Variants in SLC1A6 observed in about 807,000 individuals in gnomAD.
SLC1A6 encodes the protein solute carrier family 1 member 6.
In SLC1A6, 15 loss-of-function variants were observed where a neutral mutation model predicts 42.1. The observed-to-expected ratio is 0.36, with a 90% CI of 0.24 to 0.55. SLC1A6 has a LOEUF of 0.55. SLC1A6 is among the 20% of genes least tolerant of loss of function. SLC1A6 has a pLI of 0.88. For synonymous variants in SLC1A6, 317 were observed against 319.7 expected (o/e 0.99, Z 0.09); for missense variants, 542 against 772.5 (o/e 0.70, Z 3.54).
intron 1 of SLC1A6, among the ~76,000 whole-genome samples, chr19:15,000,101 A>G (rs553804332): frequency 2.0e-5 from 3 of 151,300 alleles, no homozygotes; most frequent in African/African-American, 7.3e-5. Flanking sequence ...ATTTTGCTCA[A>G]CTCTAGGCTA....
chr19:15,003,833 A>G (rs1372300110), intron 1 of SLC1A6, among the ~76,000 whole-genome samples: 2 of 152,144 alleles, frequency 1.3e-5, no homozygotes, highest in East Asian at 3.9e-4. Flanking sequence ...TGCAAAAAGG[A>G]ATTTCTATAA....
intron 1 of SLC1A6, among the ~76,000 whole-genome samples, chr19:15,003,660 C>CAAAAAAAAAAAAAAAAAA (rs371118940): frequency 2.5e-5 from 3 of 121,962 alleles, no homozygotes; most frequent in East Asian, 2.4e-4. Flanking sequence ...CATGTAATGC[C>CAAAAAAAAAAAAAAAAAA]AAAAAAAAAA....
Position 14,979,182 on chromosome 19 carries a change from AGCCCTATAAATGCACAAGGCATC to A in SLC1A6, c.-8+104_-8+126del, listed in dbSNP as rs1436705267. 1.1e-4 allele frequency: 17 copies of A among 152,198 alleles called. No homozygotes were observed. The highest frequency in any genetic ancestry group is 4.6e-4 in the Admixed American group (7 of 15,254). The allele number at this position is 152,198 out of a possible 1,614,324, so 9.4% of individuals were successfully genotyped here. On this transcript the variant is annotated intron_variant, in intron 1 of 9. Transcript: ENST00000594383. The surrounding 1 kb of genome is among the most constrained non-coding windows in gnomAD (Gnocchi z 4.2). ...AGCCCTCTGACAGAGAAGGCAACCG[AGCCCTATAAATGCACAAGGCATC>A]GGGCTCGGTGCTGGAAACGTGCCTG...
At chr19:14,952,553 CA>C (rs2045423191) in intron 9 of SLC1A6, among the ~76,000 whole-genome samples, 1 of 151,698 alleles carries the variant, frequency 6.6e-6, no homozygotes, top group Admixed American at 6.6e-5. Flanking sequence ...GCCTCCTGAG[CA>C]GCTGGGATTA....
intron 6 of SLC1A6, among the ~76,000 whole-genome samples, chr19:14,958,425 AT>A (rs1385730467): frequency 2.0e-5 from 3 of 149,372 alleles, no homozygotes; most frequent in Non-Finnish European, 3.0e-5. Context: ...AAAAAAAAAA[AT>A]TTGAAATCTA....
upstream of SLC1A6, among the ~76,000 whole-genome samples, chr19:14,983,719 C>CAAAAAAA (rs56657572): frequency 3.8e-5 from 2 of 52,282 alleles, no homozygotes; most frequent in Non-Finnish European, 7.2e-5. Flanking sequence ...ACAACAACAC[C>CAAAAAAA]AAAAAAAAAA....
chr19:14,951,849 C>G (rs905924372), intron 9 of SLC1A6, among the ~76,000 whole-genome samples: 5 of 151,672 alleles, frequency 3.3e-5, no homozygotes, highest in Non-Finnish European at 7.4e-5. Flanking sequence ...GAGTGTTGCT[C>G]TGTCACACAG....
chr19:14,992,815 G>A (rs1175500552), intron 1 of SLC1A6, among the ~76,000 whole-genome samples: 3 of 152,270 alleles, frequency 2.0e-5, no homozygotes, highest in South Asian at 2.1e-4. Context: ...TGTCCCAGAC[G>A]ACTGCCCCAG....
At chr19:14,991,840 CTT>C (rs887859176) in intron 1 of SLC1A6, among the ~76,000 whole-genome samples, 5 of 110,150 alleles carry the variant, frequency 4.5e-5, no homozygotes, top group Admixed American at 9.6e-5. Flanking sequence ...CTGCTTTTTT[CTT>C]TTTTTTTTTT....
chr19:14,981,259 C>T (rs2045765905), upstream of SLC1A6, among the ~76,000 whole-genome samples: 1 of 151,156 alleles, frequency 6.6e-6, no homozygotes, highest in South Asian at 2.1e-4. Context: ...TGCCACTGCA[C>T]TTCAGCCTGG....
intron 9 of SLC1A6, among the ~76,000 whole-genome samples, chr19:14,950,690 G>A (rs1180671049): frequency 6.6e-6 from 1 of 152,080 alleles, no homozygotes; most frequent in East Asian, 1.9e-4. Flanking sequence ...TATGATCCCA[G>A]CACTTTGGGA....
At chr19:14,958,312 G>C (rs1292665568) in intron 6 of SLC1A6, among the ~76,000 whole-genome samples, 1 of 151,966 alleles carries the variant, frequency 6.6e-6, no homozygotes, top group Non-Finnish European at 1.5e-5. Context: ...TCGGGAGGCT[G>C]AGGCAGAAGA....
chr19:14,967,439 T>C (rs1600001165), intron 4 of SLC1A6, among the ~76,000 whole-genome samples: 1 of 152,158 alleles, frequency 6.6e-6, no homozygotes, highest in East Asian at 1.9e-4. Context: ...ACTTTAAAAC[T>C]GAGTTCCTGG....
At chr19:14,984,613 G>A (rs1400856248), upstream of SLC1A6, among the ~76,000 whole-genome samples, 2 of 152,184 alleles carry the variant, frequency 1.3e-5, no homozygotes, top group African/African-American at 4.8e-5. Flanking sequence ...AACCCTGTCC[G>A]TGAATTCTTG....
chr19:14,999,951 C>T (rs1018591177), intron 1 of SLC1A6, among the ~76,000 whole-genome samples: 2 of 152,002 alleles, frequency 1.3e-5, no homozygotes, highest in African/African-American at 4.8e-5. Flanking sequence ...CCCAGTAACT[C>T]GTCATTTAAC....
In SLC1A6 at chr19:14,956,636, C is replaced by T; in HGVS notation, c.1009G>A (p.Gly337Ser). The T allele has an allele frequency of 6.2e-7, 1 of 1,613,834 alleles. No individual in the cohort carries two copies. The highest frequency in any genetic ancestry group is 8.5e-7 in the Non-Finnish European group (1 of 1,179,900). The change falls in exon 7 of 10, where the codon GGT becomes AGT. Residue 337 changes from glycine (G) to serine (S), a missense_variant. Physicochemically the swap from Gly to Ser is moderately conservative, Grantham distance 56. This residue lies in a region of SLC1A6 where 298 missense variants were observed against 419.4 expected (regional missense o/e 0.71). Coordinates refer to ENST00000594383, the MANE Select transcript of SLC1A6 (RefSeq NM_005071.3). ...LEMEDMAVLG[G>S]QLGMYTLTVI... ...GTCAGGGTGTACATGCCCAGCTGAC[C>T]CCCCAGGACGGCCATGTCTTCCATC...
Position 14,955,624 on chromosome 19 carries a change from A to G in SLC1A6, c.1169+852T>C, listed in dbSNP as rs143036227. Among the ~76,000 whole-genome samples the G allele has an allele frequency of 5.4e-3, 788 of 146,252 alleles. 4 individuals carry two copies. Among genetic ancestry groups the G allele is most frequent in the African/African-American group, 0.019 (730 of 37,674 alleles). ...ATAGAGTGAGGCCTCATGTCAAACGAAAAAGAAAAAGAAAAAAAAGATATT... is the reference window on the plus strand; with the variant it reads ...ATAGAGTGAGGCCTCATGTCAAACGGAAAAGAAAAAGAAAAAAAAGATATT... On this transcript the variant is annotated intron_variant, in intron 7 of 9. Coordinates refer to ENST00000594383, the MANE Select transcript of SLC1A6 (RefSeq NM_005071.3).
At chr19:14,995,368 AAGGGAAGGG>A (rs2045841055) in intron 1 of SLC1A6, among the ~76,000 whole-genome samples, 1 of 112,822 alleles carries the variant, frequency 8.9e-6, no homozygotes, top group Non-Finnish European at 1.9e-5. Context: ...AAAGAAAGAA[AAGGGAAGGG>A]AAGGGAAGGG....
rs376078604 is a variant in SLC1A6 at position 14,952,428 on chromosome 19, C to T, written c.1499+500G>A. On this transcript the variant is annotated intron_variant, in intron 9 of 9. Coordinates refer to ENST00000594383, the MANE Select transcript of SLC1A6 (RefSeq NM_005071.3). ...AAAATTAGCCAGGCATGGTGGCGGGCGCCTGTAATCCCAGCTACTTGGGAG... is the reference window on the plus strand; with the variant it reads ...AAAATTAGCCAGGCATGGTGGCGGGTGCCTGTAATCCCAGCTACTTGGGAG... Among the ~76,000 whole-genome samples, 7 of 151,540 alleles carry T rather than the reference C, an allele frequency of 4.6e-5. No individual in the cohort carries two copies. The South Asian group carries it at 6.3e-4, about 14-fold the overall frequency.
Sources: gnomAD v4.1 joint callset for allele counts (sites outside exome capture counted in the v4.1 genomes callset) on GRCh38, gnomAD v4.1.1 for gene constraint, gnomAD v4.1.1 regional missense constraint, Gnocchi (gnomAD v3.1) non-coding constraint, MANE v1.5 for transcripts, NCBI Gene and HGNC (gene_info 2026-07-23, HGNC 2026-07-21) for gene names.